Variants in GPC6 observed in about 807,000 individuals in gnomAD.
The protein encoded by GPC6 is glypican-6.
Under a neutral mutation model 55.2 loss-of-function variants are expected in GPC6, and 14 were observed. The ratio of observed to expected loss-of-function variants is 0.25; its 90% CI spans 0.17 to 0.40. The LOEUF (loss-of-function observed/expected upper bound fraction) is 0.40. GPC6 is among the 10% of genes least tolerant of loss of function. The pLI, the probability that GPC6 is intolerant of heterozygous loss-of-function variation, is 1.00. For synonymous variants in GPC6, 278 were observed against 259.6 expected, an observed-to-expected ratio of 1.07 and a Z score of -0.68; for missense variants, 641 against 708.5, an observed-to-expected ratio of 0.90 and a Z score of 1.08.
At chr13:93,501,449 A>G (rs1880516934) in intron 1 of GPC6, among the ~76,000 whole-genome samples, 1 of 152,110 alleles carries the variant, frequency 6.6e-6, no homozygotes, top group South Asian at 2.1e-4. Context: ...TTACTTTGCA[A>G]AATTTTCTAT....
At position 94,358,087 on chromosome 13, in the gene GPC6, C is replaced by T. The variant is rs117838073; in HGVS notation, c.1153-24327C>T. Among the ~76,000 whole-genome samples, 757 of 152,070 alleles carry T rather than the reference C, an allele frequency of 5.0e-3. 16 individuals are homozygous for T. The East Asian group carries it at 0.073, about 15-fold the overall frequency. ...GGTGAATTACCTGACATCAGGAGTT[C>T]GAGACCAGCCTGACCAGTATGGTGA... is the stretch of plus-strand genomic sequence containing the variant. On this transcript the variant is annotated intron_variant, in intron 6 of 8. Transcript: ENST00000377047.
chr13:93,666,004 A>G (rs1881117098), intron 2 of GPC6, among the ~76,000 whole-genome samples: 1 of 152,192 alleles, frequency 6.6e-6, no homozygotes, highest in South Asian at 2.1e-4. Context: ...CTCAATCTTC[A>G]ATGTAAAGAT....
At chr13:94,006,857 G>A (rs1486096925) in intron 3 of GPC6, among the ~76,000 whole-genome samples, 1 of 152,070 alleles carries the variant, frequency 6.6e-6, no homozygotes, top group Non-Finnish European at 1.5e-5. Context: ...GCAAAGTACT[G>A]TATAAAGAAC....
chr13:93,577,775 C>G (rs1291460210), intron 2 of GPC6, among the ~76,000 whole-genome samples: 1 of 152,074 alleles, frequency 6.6e-6, no homozygotes, highest in South Asian at 2.1e-4. Context: ...AAGTGGACAT[C>G]CTTGTCTTGT....
At chr13:93,895,200 ATATG>A (rs2140321594) in intron 3 of GPC6, among the ~76,000 whole-genome samples, 1 of 133,104 alleles carries the variant, frequency 7.5e-6, no homozygotes. Flanking sequence ...AAGTCCATAT[ATATG>A]TGTGTGTGTG....
At chr13:93,792,641 A>G (rs957849832) in intron 2 of GPC6, among the ~76,000 whole-genome samples, 3 of 152,164 alleles carry the variant, frequency 2.0e-5, no homozygotes, top group South Asian at 2.1e-4. Context: ...TGCTTCCCAC[A>G]TGCTAAGGGA....
At chr13:94,155,006 C>T (rs1887879650) in intron 4 of GPC6, among the ~76,000 whole-genome samples, 1 of 152,118 alleles carries the variant, frequency 6.6e-6, no homozygotes, top group African/African-American at 2.4e-5. Context: ...GTCCCTTGAG[C>T]GCTGGTGTCC....
chr13:93,568,298 A>C (rs1215266931), intron 2 of GPC6, among the ~76,000 whole-genome samples: 1 of 152,228 alleles, frequency 6.6e-6, no homozygotes, highest in East Asian at 1.9e-4. Context: ...CTAGGGAAAG[A>C]TAACGAGTAT....
intron 3 of GPC6, among the ~76,000 whole-genome samples, chr13:93,876,334 G>C (rs1181722974): frequency 6.6e-6 from 1 of 151,822 alleles, no homozygotes; most frequent in Non-Finnish European, 1.5e-5. Context: ...CCTAACTTTT[G>C]TCTTGAGCAA....
chr13:94,134,527 T>C (rs1887114825), intron 4 of GPC6, among the ~76,000 whole-genome samples: 1 of 152,234 alleles, frequency 6.6e-6, no homozygotes, highest in South Asian at 2.1e-4. Context: ...CACTTTATGC[T>C]CATAAACGTG....
intron 4 of GPC6, among the ~76,000 whole-genome samples, chr13:94,118,546 G>A (rs147781146): frequency 2.5e-4 from 38 of 152,134 alleles, no homozygotes; most frequent in Admixed American, 1.7e-3. Flanking sequence ...ATCATTTCAT[G>A]TGAACATATG....
intron 1 of GPC6, among the ~76,000 whole-genome samples, chr13:93,472,666 A>G (rs534419228): frequency 2.6e-5 from 4 of 152,294 alleles, no homozygotes; most frequent in African/African-American, 9.6e-5. Flanking sequence ...GGCTCCTAGA[A>G]GGGCCACAAA....
At chr13:93,618,816 A>G (rs1878831953) in intron 2 of GPC6, among the ~76,000 whole-genome samples, 1 of 152,160 alleles carries the variant, frequency 6.6e-6, no homozygotes, top group Non-Finnish European at 1.5e-5. Context: ...CAAACCATTA[A>G]TTATAGACAT....
At chr13:93,539,825 G>T (rs2139424957) in intron 1 of GPC6, among the ~76,000 whole-genome samples, 1 of 151,916 alleles carries the variant, frequency 6.6e-6, no homozygotes, top group South Asian at 2.1e-4. Flanking sequence ...CCAAGTAGCT[G>T]GGATTACAAG....
At chr13:93,263,735 A>G (rs1034926614) in intron 1 of GPC6, among the ~76,000 whole-genome samples, 5 of 152,180 alleles carry the variant, frequency 3.3e-5, no homozygotes, top group Admixed American at 3.3e-4. Context: ...TGGCCTGCAT[A>G]TGTAGGGTGT....
intron 1 of GPC6, among the ~76,000 whole-genome samples, chr13:93,439,925 T>C (rs1195128955): frequency 2.0e-5 from 3 of 152,138 alleles, no homozygotes; most frequent in Non-Finnish European, 4.4e-5. Context: ...CATATGACAA[T>C]GGCACAAAAT....
intron 1 of GPC6, among the ~76,000 whole-genome samples, chr13:93,332,246 G>A (rs1167578432): frequency 6.7e-6 from 1 of 149,910 alleles, no homozygotes; most frequent in East Asian, 2.0e-4. Flanking sequence ...TAAATAATAT[G>A]GTATTTCTGT....
chr13:93,629,436 C>T (rs1223750687), intron 2 of GPC6, among the ~76,000 whole-genome samples: 1 of 152,014 alleles, frequency 6.6e-6, no homozygotes, highest in African/African-American at 2.4e-5. Flanking sequence ...TCAGAGGATA[C>T]TCAGACAATG....
At chr13:93,750,573 TA>T (rs1184958500) in intron 2 of GPC6, among the ~76,000 whole-genome samples, 1 of 152,076 alleles carries the variant, frequency 6.6e-6, no homozygotes, top group Non-Finnish European at 1.5e-5. Flanking sequence ...AGATTCAGTG[TA>T]AAAAATATAC....
Sources: gnomAD v4.1 joint callset for allele counts (sites outside exome capture counted in the v4.1 genomes callset) on GRCh38, gnomAD v4.1.1 for gene constraint, MANE v1.5 for transcripts, NCBI Gene and HGNC (gene_info 2026-07-23, HGNC 2026-07-21) for gene names.